The following DNAJC11 variants were observed in gnomAD, a reference collection of about 807,000 sequenced individuals.
The protein encoded by DNAJC11 is DnaJ heat shock protein family (Hsp40) member C11.
Under a neutral mutation model 78.6 loss-of-function variants are expected in DNAJC11, and 15 were observed. The ratio of observed to expected loss-of-function variants is 0.19; its 90% CI spans 0.13 to 0.29. The LOEUF is 0.29. Ranked by LOEUF, DNAJC11 falls within the 10% of genes least tolerant of loss-of-function variation. DNAJC11 has a pLI of 1.00. For synonymous variants in DNAJC11, 292 were observed against 272.1 expected, an observed-to-expected ratio of 1.07 and a Z score of -0.72; for missense variants, 547 against 709.6, an observed-to-expected ratio of 0.77 and a Z score of 2.60.
chr1:6,676,796 TC>T (rs1364129163), intron 3 of DNAJC11, among the ~76,000 whole-genome samples: 2 of 152,208 alleles, frequency 1.3e-5, no homozygotes, highest in East Asian at 3.9e-4. Context: ...CTTTTGCTTT[TC>T]TTCCACTCCT....
intron 10 of DNAJC11, among the ~76,000 whole-genome samples, chr1:6,640,440 T>C (rs1641857730): frequency 6.6e-6 from 1 of 152,206 alleles, no homozygotes; most frequent in South Asian, 2.1e-4. Flanking sequence ...AAGAAGTTAG[T>C]GAAGACTTCA....
At chr1:6,641,668 G>A (rs902355880) in intron 10 of DNAJC11, among the ~76,000 whole-genome samples, 1 of 151,882 alleles carries the variant, frequency 6.6e-6, no homozygotes, top group Non-Finnish European at 1.5e-5. Flanking sequence ...AAGTGTGCGC[G>A]CCACTGTACT....
intron 1 of DNAJC11, among the ~76,000 whole-genome samples, chr1:6,699,708 C>G (rs565793333): frequency 6.6e-6 from 1 of 151,924 alleles, no homozygotes; most frequent in East Asian, 1.9e-4. Context: ...ACCTATGTAA[C>G]AAACCTGCAC....
At position 6,678,495 on chromosome 1, in the gene DNAJC11, T is replaced by G. The variant is rs371483705; in HGVS notation, c.203-28A>C. ...GCAAATTAAAAATTAAACATGTTTA[T>G]AAAATACAAAATTCACCTTCAGTCC... is the stretch of plus-strand genomic sequence containing the variant. On this transcript the variant is annotated intron_variant, in intron 2 of 15. Transcript: ENST00000377577. The G allele has an allele frequency of 4.4e-6, 7 of 1,594,390 alleles. No individual in the cohort carries two copies. In the African/African-American group the frequency reaches 9.4e-5, roughly 22 times the overall value.
rs892718990 is a variant in DNAJC11, at chr1:6,697,563, C to G, written c.72+4166G>C. Among the ~76,000 whole-genome samples the G allele has an allele frequency of 7.3e-5, 11 of 151,650 alleles. No individual in the cohort carries two copies. In the East Asian group the frequency reaches 2.1e-3, roughly 29 times the overall value. ...GCTCAGGCGGTGATGCTTGCTTGCC[C>G]GATGCTAACCGCTTGCTTGCCCGAC... On this transcript the variant is annotated intron_variant, in intron 1 of 15. Coordinates refer to ENST00000377577, the MANE Select transcript of DNAJC11 (RefSeq NM_018198.4).
chr1:6,693,420 GCT>G (rs1403046059), intron 1 of DNAJC11, among the ~76,000 whole-genome samples: 1 of 152,038 alleles, frequency 6.6e-6, no homozygotes, highest in Non-Finnish European at 1.5e-5. Context: ...TTGCTCTGTC[GCT>G]CAGGCTGGAG....
intron 12 of DNAJC11, 31 bp downstream of exon 12, chr1:6,638,264 C>A: frequency 6.2e-7 from 1 of 1,605,518 alleles, no homozygotes. Context: ...CCCCTACAGC[C>A]CTCGCTTGGG....
chr1:6,657,459 C>T (rs1027778146), intron 4 of DNAJC11, among the ~76,000 whole-genome samples: 1 of 152,192 alleles, frequency 6.6e-6, no homozygotes, highest in Non-Finnish European at 1.5e-5. Context: ...ACTGCAACCC[C>T]TGTGAGCACC....
chr1:6,640,168 C>T (rs890633251), intron 10 of DNAJC11, 111 bp from the exon 11 acceptor site: 22 of 1,336,874 alleles, frequency 1.6e-5, no homozygotes, highest in African/African-American at 3.0e-5. Flanking sequence ...CGTGCAGCTG[C>T]GAGTTAAAGG....
At chr1:6,686,997 A>G (rs1642666057) in intron 1 of DNAJC11, among the ~76,000 whole-genome samples, 1 of 152,246 alleles carries the variant, frequency 6.6e-6, no homozygotes, top group Non-Finnish European at 1.5e-5. Flanking sequence ...ATTACTGTCC[A>G]TATGTTCCCC....
At chr1:6,665,662 G>A (rs1480479789) in intron 4 of DNAJC11, among the ~76,000 whole-genome samples, 1 of 152,122 alleles carries the variant, frequency 6.6e-6, no homozygotes, top group African/African-American at 2.4e-5. Flanking sequence ...CAGAAACATG[G>A]CCTGCAGACA....
In DNAJC11 at chr1:6,652,815, A is replaced by G. The variant is rs1445644858; in HGVS notation, c.630+14T>C. On this transcript the variant is annotated intron_variant, in intron 6 of 15. Transcript: ENST00000377577. ...TTGCACAGACAACACAACTCAGCCAATAGACATTCTTACCTCTCCCCATCC... is the reference window on the plus strand; with the variant it reads ...TTGCACAGACAACACAACTCAGCCAGTAGACATTCTTACCTCTCCCCATCC... The G allele has an allele frequency of 1.9e-6, 3 of 1,614,126 alleles. No individual in the cohort carries two copies. Among genetic ancestry groups the G allele is most frequent in the Non-Finnish European group, 2.5e-6 (3 of 1,179,998 alleles).
intron 4 of DNAJC11, among the ~76,000 whole-genome samples, chr1:6,663,897 T>G (rs984330573): frequency 3.9e-5 from 6 of 152,158 alleles, no homozygotes; most frequent in Non-Finnish European, 8.8e-5. Flanking sequence ...GGACTAAGAA[T>G]GCAGAAGGGA....
chr1:6,646,494 A>G (rs1641968006), intron 7 of DNAJC11, among the ~76,000 whole-genome samples: 1 of 152,104 alleles, frequency 6.6e-6, no homozygotes, highest in Admixed American at 6.6e-5. Flanking sequence ...TTTGAGAATC[A>G]CTTACCTAGA....
chr1:6,689,277 T>C (rs948855694), intron 1 of DNAJC11, among the ~76,000 whole-genome samples: 1 of 152,158 alleles, frequency 6.6e-6, no homozygotes, highest in African/African-American at 2.4e-5. Flanking sequence ...GCCTGGAAGC[T>C]GAAAGGAAAT....
chr1:6,656,731 C>CAA (rs33945459), intron 4 of DNAJC11, among the ~76,000 whole-genome samples: 2 of 123,284 alleles, frequency 1.6e-5, no homozygotes, highest in African/African-American at 3.1e-5. Flanking sequence ...AAACTAAAAC[C>CAA]AAAAAAAAAA....
In DNAJC11 at chr1:6,696,707, G is replaced by T. The variant is rs544787180; in HGVS notation, c.72+5022C>A. Among the ~76,000 whole-genome samples the T allele has an allele frequency of 2.0e-3, 299 of 152,308 alleles. 1 individual carries two copies. Among genetic ancestry groups the T allele is most frequent in the Non-Finnish European group, 3.6e-3 (245 of 68,038 alleles). ...TTCTAGTTTCATGGCTGTTCTGGAA[G>T]GATGAAGATCTCAGAACACTGACCT... On this transcript the variant is annotated intron_variant, in intron 1 of 15. Transcript: ENST00000377577.
chr1:6,676,954 G>A (rs561433074), intron 3 of DNAJC11, among the ~76,000 whole-genome samples: 17 of 151,994 alleles, frequency 1.1e-4, no homozygotes, highest in African/African-American at 3.4e-4. Context: ...TGGGTGGATC[G>A]TCTGAGGTCA....
intron 10 of DNAJC11, 123 bp from the exon 11 acceptor site, chr1:6,640,180 G>A (rs1641853698): frequency 8.1e-7 from 1 of 1,230,018 alleles, no homozygotes; most frequent in Non-Finnish European, 1.1e-6. Context: ...AGTTAAAGGA[G>A]CCTGCAGTCT....
Sources: allele counts gnomAD v4.1 joint callset (sites outside exome capture counted in the v4.1 genomes callset), GRCh38; gene constraint gnomAD v4.1.1; transcripts MANE v1.5; gene names NCBI Gene and HGNC (gene_info 2026-07-23, HGNC 2026-07-21).